MYOM1: variants seen among roughly 807,000 people sequenced by gnomAD.
The protein encoded by MYOM1 is myomesin 1, also known as myomesin-1.
A neutral mutation model predicts 205.3 loss-of-function variants in MYOM1; 164 were observed. That is an observed-to-expected ratio of 0.80 (90% CI 0.70 to 0.91). The LOEUF is 0.91. MYOM1 is among the 40% of genes least tolerant of loss of function. The pLI, the probability that MYOM1 is intolerant of heterozygous loss-of-function variation, is 0.00. For synonymous variants in MYOM1, 772 were observed against 789.4 expected (o/e 0.98, Z 0.37); for missense variants, 2,011 against 2,127.3 (o/e 0.95, Z 1.08).
chr18:3,201,380 G>A (rs890029286), intron 2 of MYOM1, among the ~76,000 whole-genome samples: 14 of 150,506 alleles, frequency 9.3e-5, no homozygotes, highest in Non-Finnish European at 1.6e-4. Flanking sequence ...CAGCCCTGGC[G>A]ACAGAGTGAG....
chr18:3,178,738 G>A (rs114859478), intron 5 of MYOM1, among the ~76,000 whole-genome samples: 1,799 of 152,180 alleles, frequency 0.012, 37 homozygotes, highest in African/African-American at 0.041. Context: ...AGTATGAATC[G>A]TTCCTGCCTC....
At chr18:3,166,414 G>T (rs1240505072) in intron 9 of MYOM1, among the ~76,000 whole-genome samples, 1 of 151,954 alleles carries the variant, frequency 6.6e-6, no homozygotes, top group East Asian at 1.9e-4. Context: ...GGGATTACAG[G>T]CATGCACCAC....
chr18:3,168,795 A>G, intron 9 of MYOM1, 22 bp downstream of exon 9: 1 of 1,612,674 alleles, frequency 6.2e-7, no homozygotes, highest in East Asian at 2.2e-5. Flanking sequence ...AACCTAAGTG[A>G]GCATTCATTG....
intron 36 of MYOM1, among the ~76,000 whole-genome samples, chr18:3,072,722 G>C (rs1447116377): frequency 1.3e-5 from 2 of 151,808 alleles, no homozygotes; most frequent in Non-Finnish European, 2.9e-5. Flanking sequence ...GGGAGTGCCT[G>C]TATCTGTATC....
At chr18:3,085,170 A>T (rs749787788) in intron 30 of MYOM1, 38 bp from the exon 31 acceptor site, 1 of 1,363,840 alleles carries the variant, frequency 7.3e-7, no homozygotes, top group Non-Finnish European at 1.0e-6. Context: ...CACCTTTCGT[A>T]GCCCCAGGGC....
At chr18:3,118,242 C>A (rs2079633744) in intron 20 of MYOM1, among the ~76,000 whole-genome samples, 1 of 152,200 alleles carries the variant, frequency 6.6e-6, no homozygotes, top group Non-Finnish European at 1.5e-5. Context: ...CTCAGTAAGT[C>A]AAGGATGGGA....
intron 34 of MYOM1, among the ~76,000 whole-genome samples, chr18:3,078,744 G>C (rs2079049066): frequency 6.6e-6 from 1 of 152,046 alleles, no homozygotes; most frequent in Non-Finnish European, 1.5e-5. Context: ...TTTTATTTTT[G>C]TAAGAAAGAA....
intron 26 of MYOM1, among the ~76,000 whole-genome samples, chr18:3,092,326 G>A (rs2079236536): frequency 6.6e-6 from 1 of 152,102 alleles, no homozygotes; most frequent in Non-Finnish European, 1.5e-5. Context: ...TTGAGGCTAG[G>A]ACTACAGGCA....
At position 3,120,022 on chromosome 18, in the gene MYOM1, C is replaced by G. The variant is rs1430652166; in HGVS notation, c.2992-27G>C. ...TGCAACATTGACAACATCACAGATA[C>G]TGAATGTTCCAGGTTTGTTTTTTTT... On this transcript the variant is annotated intron_variant, in intron 19 of 37. Coordinates refer to ENST00000356443, the MANE Select transcript of MYOM1 (RefSeq NM_003803.4). 14 of 1,544,394 alleles carry G rather than the reference C, an allele frequency of 9.1e-6. No homozygotes were observed. In the East Asian group the frequency reaches 3.0e-4, roughly 33 times the overall value.
intron 2 of MYOM1, among the ~76,000 whole-genome samples, chr18:3,214,132 T>C (rs763773422): frequency 1.9e-4 from 29 of 152,336 alleles, no homozygotes; most frequent in Admixed American, 3.9e-4. Flanking sequence ...GCTGCATAAA[T>C]AGTAGTTCCG....
chr18:3,182,913 CTT>C (rs549386891), intron 5 of MYOM1, among the ~76,000 whole-genome samples: 10 of 92,290 alleles, frequency 1.1e-4, no homozygotes, highest in Non-Finnish European at 1.4e-4. Flanking sequence ...TTTCTTTCTT[CTT>C]TTTTTTTTTT....
rs772682185 is a variant in MYOM1, at chr18:3,148,702, C to T, written c.1900+443G>A. Among the ~76,000 whole-genome samples the T allele has an allele frequency of 2.6e-4, 39 of 151,682 alleles. No individual in the cohort carries two copies. In the South Asian group the frequency reaches 3.3e-3, roughly 13 times the overall value. On this transcript the variant is annotated intron_variant, in intron 13 of 37. Coordinates refer to ENST00000356443, the MANE Select transcript of MYOM1 (RefSeq NM_003803.4). ...CTCTACTAAAAATACAAAAATTAGCCAGGCGTAGTGGCGGGCGCCTGTAGT... is the reference window on the plus strand; with the variant it reads ...CTCTACTAAAAATACAAAAATTAGCTAGGCGTAGTGGCGGGCGCCTGTAGT...
chr18:3,143,767 G>A (rs1425230828), intron 13 of MYOM1, among the ~76,000 whole-genome samples: 1 of 151,822 alleles, frequency 6.6e-6, no homozygotes, highest in Non-Finnish European at 1.5e-5. Flanking sequence ...CAGGTATGGT[G>A]GTGTGTACCT....
At chr18:3,246,226 T>C in the MYOM1 span, 2 of 152,236 alleles carry the variant, frequency 1.3e-5, no homozygotes, top group Admixed American at 1.3e-4. Flanking sequence ...GAGGTGTCCA[T>C]GCATTGCAAG....
the MYOM1 span, among the ~76,000 whole-genome samples, chr18:3,239,756 CAAAAAAAAAAA>C: frequency 1.7e-4 from 7 of 42,214 alleles, no homozygotes; most frequent in African/African-American, 5.8e-4. Flanking sequence ...CACCTTGTCT[CAAAAAAAAAAA>C]AAAAAAAAAA....
intron 20 of MYOM1, among the ~76,000 whole-genome samples, chr18:3,119,502 G>A (rs982226305): frequency 1.2e-4 from 18 of 152,266 alleles, no homozygotes; most frequent in Admixed American, 1.0e-3. Context: ...GAGAAATTTT[G>A]CTGTGGGATA....
chr18:3,203,143 A>G (rs2081087435), intron 2 of MYOM1, among the ~76,000 whole-genome samples: 1 of 151,576 alleles, frequency 6.6e-6, no homozygotes, highest in Non-Finnish European at 1.5e-5. Flanking sequence ...ATACAGCTAA[A>G]GCAGTACTTA....
rs1296185618 is a variant in MYOM1, at chr18:3,179,918, T to G, written c.930-3784A>C. ...CTGTGATACCAACGGCTGTGACATG[T>G]GCTGTTTGACCAAATGACTCAGTGA... On this transcript the variant is annotated intron_variant, in intron 5 of 37. Transcript: ENST00000356443. This position sits in a 1 kb window ranked among gnomAD's most constrained non-coding sequence, Gnocchi z 4.4. Among the ~76,000 whole-genome samples the G allele has an allele frequency of 6.6e-6, 1 of 152,186 alleles. No homozygotes were observed. The highest frequency in any genetic ancestry group is 1.5e-5 in the Non-Finnish European group (1 of 68,038).
chr18:3,129,510 ACTC>A lies in MYOM1; in HGVS notation c.2513_2515del (p.Gly838del), dbSNP rs1449090389. On this transcript the variant is annotated inframe_deletion, in exon 18 of 38. Transcript: ENST00000356443. ...CAGTGCGGGACACACATCTGGAGAC[ACTC>A]CTCCCCCTACAGTTGCCAGACAACA... The A allele has an allele frequency of 6.2e-7, 1 of 1,606,380 alleles. No individual in the cohort carries two copies.
Sources: gnomAD v4.1 joint callset for allele counts (sites outside exome capture counted in the v4.1 genomes callset) on GRCh38, gnomAD v4.1.1 for gene constraint, Gnocchi (gnomAD v3.1) non-coding constraint, MANE v1.5 for transcripts, NCBI Gene and HGNC (gene_info 2026-07-23, HGNC 2026-07-21) for gene names.